Variants in JARID2 observed in about 807,000 individuals in gnomAD.
The protein encoded by JARID2 is jumonji and AT-rich interaction domain containing 2.
JARID2 carries 21 observed loss-of-function variants against 125.6 expected under a neutral mutation model. The ratio of observed to expected loss-of-function variants is 0.17; its 90% confidence interval spans 0.12 to 0.24. The LOEUF is 0.24. Among genes scored for constraint, JARID2 ranks in the 10% least tolerant of loss-of-function variants. The pLI is 1.00. For missense variants in JARID2, 1,303 were observed against 1,639.6 expected (o/e 0.79, Z 3.55); for synonymous variants, 736 against 661.6 (o/e 1.11, Z -1.73).
Position 15,520,516 on chromosome 6 carries a change from T to C in JARID2, c.*265T>C, listed in dbSNP as rs1244873172. 3 of 398,408 alleles carry C rather than the reference T, an allele frequency of 7.5e-6. No homozygotes were observed. Among genetic ancestry groups the C allele is most frequent in the South Asian group, 3.0e-5 (1 of 33,744 alleles). The allele number at this position is 398,408 out of a possible 1,614,324, so 24.7% of individuals were successfully genotyped here. A position where few individuals can be genotyped will look rare whatever the true frequency, so the allele number is the denominator to read the frequency against. On this transcript the variant is annotated 3_prime_UTR_variant, in exon 18 of 18. Coordinates refer to ENST00000341776, the MANE Select transcript of JARID2 (RefSeq NM_004973.4). Reference sequence around the variant, plus strand: ...CCGGAGGGGCTGTATTAATTTGTATTGCCCCATGGCTGACAAAAGCCTTTT... The same window carrying C: ...CCGGAGGGGCTGTATTAATTTGTATCGCCCCATGGCTGACAAAAGCCTTTT...
intron 1 of JARID2, among the ~76,000 whole-genome samples, chr6:15,363,258 G>C (rs1418864405): frequency 1.3e-5 from 2 of 152,194 alleles, no homozygotes; most frequent in Non-Finnish European, 2.9e-5. Flanking sequence ...CATGTCTGCT[G>C]TTCAAACACC....
chr6:15,496,721 C>T lies in JARID2; in HGVS notation c.1496C>T (p.Pro499Leu), dbSNP rs199694306. ...GAGCGCAGTCTGGAGAGGAATCGGC[C>T]GAAGCGGGCCACGGCCGGGAAGAGC... ...VPERSLERNR[P>L]KRATAGKSTP... Residue 499 changes from proline (P) to leucine (L), a missense_variant, in exon 7 of 18, where the codon CCG (proline) becomes CTG (leucine). By Grantham distance (98) the Pro-to-Leu change is moderately conservative. Around this residue, in one of 11 missense-constraint regions of JARID2, gnomAD observed 651 missense variants for 581.6 expected, o/e 1.12. Transcript: ENST00000341776. 7.1e-5 allele frequency: 115 copies of T among 1,613,514 alleles called. No individual in the cohort carries two copies. The highest frequency in any genetic ancestry group is 1.0e-4 in the Admixed American group (6 of 60,010).
intron 1 of JARID2, among the ~76,000 whole-genome samples, chr6:15,266,185 G>A (rs1760076845): frequency 6.6e-6 from 1 of 152,276 alleles, no homozygotes; most frequent in African/African-American, 2.4e-5. Context: ...AAGTGTGTCC[G>A]ATGAATCTCC....
At chr6:15,263,065 G>GGTGTGTGTTTGT (rs59884352) in intron 1 of JARID2, among the ~76,000 whole-genome samples, 1 of 140,984 alleles carries the variant, frequency 7.1e-6, no homozygotes, top group East Asian at 2.1e-4. Context: ...CCCTTTGGAG[G>GGTGTGTGTTTGT]GTGTGTGTTT....
chr6:15,252,175 C>G (rs1759481132), intron 1 of JARID2, among the ~76,000 whole-genome samples: 1 of 152,114 alleles, frequency 6.6e-6, no homozygotes, highest in African/African-American at 2.4e-5. Context: ...CCCCAACAAT[C>G]AAAACAGCAT....
intron 1 of JARID2, among the ~76,000 whole-genome samples, chr6:15,301,859 G>GA (rs1204210201): frequency 6.6e-6 from 1 of 152,194 alleles, no homozygotes; most frequent in Admixed American, 6.5e-5. Context: ...CTGTAATAGG[G>GA]AAAGAGAACT....
chr6:15,318,706 TAAA>T (rs1265176983), intron 1 of JARID2, among the ~76,000 whole-genome samples: 4 of 152,192 alleles, frequency 2.6e-5, no homozygotes, highest in South Asian at 4.1e-4. Context: ...CTTGTCTCAT[TAAA>T]AAACATTTTT....
At chr6:15,498,980 A>G (rs913014799) in intron 7 of JARID2, among the ~76,000 whole-genome samples, 4 of 152,148 alleles carry the variant, frequency 2.6e-5, no homozygotes, top group African/African-American at 4.8e-5. Flanking sequence ...TCGAGAGCAC[A>G]CTTGACATCG....
intron 1 of JARID2, among the ~76,000 whole-genome samples, chr6:15,261,926 G>A (rs557369844): frequency 4.6e-5 from 7 of 151,886 alleles, no homozygotes; most frequent in Middle Eastern, 3.4e-3. Context: ...GACTACAGGC[G>A]CGCGCCACCA....
chr6:15,294,641 G>C (rs1485391558), intron 1 of JARID2, among the ~76,000 whole-genome samples: 1 of 152,210 alleles, frequency 6.6e-6, no homozygotes, highest in African/African-American at 2.4e-5. Context: ...TTGCTGGAGT[G>C]GGGAGGTTGA....
intron 1 of JARID2, among the ~76,000 whole-genome samples, chr6:15,351,635 GC>G (rs1221790976): frequency 1.3e-5 from 2 of 152,190 alleles, no homozygotes; most frequent in East Asian, 3.8e-4. Context: ...TGTTCTGGGA[GC>G]CAATCCTATT....
chr6:15,332,100 C>T (rs1443387068), intron 1 of JARID2, among the ~76,000 whole-genome samples: 1 of 152,018 alleles, frequency 6.6e-6, no homozygotes, highest in African/African-American at 2.4e-5. Context: ...ACCAGTTGCT[C>T]TTCGCCATAT....
chr6:15,250,588 A>T (rs1759408213), intron 1 of JARID2, among the ~76,000 whole-genome samples: 1 of 152,214 alleles, frequency 6.6e-6, no homozygotes, highest in Non-Finnish European at 1.5e-5. Flanking sequence ...TGTCACTAAA[A>T]TTTGAAAGAA....
At chr6:15,261,185 G>A (rs1237857233) in intron 1 of JARID2, among the ~76,000 whole-genome samples, 1 of 152,006 alleles carries the variant, frequency 6.6e-6, no homozygotes, top group Admixed American at 6.6e-5. Flanking sequence ...TACTCCCTTT[G>A]TACATGGAGG....
intron 3 of JARID2, among the ~76,000 whole-genome samples, chr6:15,413,680 T>G (rs919294529): frequency 4.6e-5 from 7 of 152,194 alleles, no homozygotes; most frequent in African/African-American, 1.7e-4. Flanking sequence ...GATCATGACT[T>G]ACTGTGTTCT....
chr6:15,262,645 C>A (rs1759927543), intron 1 of JARID2, among the ~76,000 whole-genome samples: 1 of 148,768 alleles, frequency 6.7e-6, no homozygotes, highest in South Asian at 2.2e-4. Context: ...TCAAGCAATT[C>A]TCTTGCCTCA....
At chr6:15,300,720 TGTGAGAGAGAGAGA>T (rs1405166127) in intron 1 of JARID2, among the ~76,000 whole-genome samples, 7 of 130,100 alleles carry the variant, frequency 5.4e-5, no homozygotes, top group African/African-American at 2.3e-4. Flanking sequence ...TGTGTGTGTG[TGTGAGAGAGAGAGA>T]GAGAGAGAGA....
At chr6:15,248,990 C>A in intron 1 of JARID2, 1 of 983,550 alleles carries the variant, frequency 1.0e-6, no homozygotes, top group Non-Finnish European at 1.2e-6. Context: ...CCGTAGGTCC[C>A]CAAAGGAGTG....
chr6:15,410,051 CA>C (rs893866377), intron 2 of JARID2, among the ~76,000 whole-genome samples, 172 bp from the exon 3 acceptor site: 2 of 152,214 alleles, frequency 1.3e-5, no homozygotes, highest in East Asian at 1.9e-4. Context: ...TTAAAGGTCT[CA>C]TAGAATGAGG....
Sources: allele counts gnomAD v4.1 joint callset (sites outside exome capture counted in the v4.1 genomes callset), GRCh38; gene constraint gnomAD v4.1.1; regional missense constraint gnomAD v4.1.1; transcripts MANE v1.5; gene names NCBI Gene and HGNC (gene_info 2026-07-23, HGNC 2026-07-21).